Variants in DGKI observed in about 807,000 individuals in gnomAD.
DGKI encodes DAG kinase iota.
A neutral mutation model predicts 147.5 loss-of-function variants in DGKI; 55 were observed. The observed-to-expected ratio is 0.37, with a 90% CI of 0.30 to 0.47. The LOEUF (loss-of-function observed/expected upper bound fraction) is 0.47. Among genes scored for constraint, DGKI ranks in the 20% least tolerant of loss-of-function variants. The probability of loss-of-function intolerance (pLI) is 1.00; values close to 1 mark genes in which losing one functional copy is unlikely to be tolerated. For synonymous variants in DGKI, 469 were observed against 477.1 expected, an observed-to-expected ratio of 0.98 and a Z score of 0.22; for missense variants, 1,007 against 1,323.8, an observed-to-expected ratio of 0.76 and a Z score of 3.71.
At chr7:137,552,318 C>G in intron 20 of DGKI, 51 bp downstream of exon 20, 1 of 1,599,962 alleles carries the variant, frequency 6.3e-7, no homozygotes. Flanking sequence ...GCTCTGCACT[C>G]TCCTCTCCAA....
chr7:137,528,305 T>C (rs1158659584), intron 20 of DGKI, among the ~76,000 whole-genome samples: 1 of 152,190 alleles, frequency 6.6e-6, no homozygotes, highest in Non-Finnish European at 1.5e-5. Context: ...CAGAAGAACC[T>C]ACAAATGGTA....
At chr7:137,404,366 CA>C (rs1458984411) in intron 30 of DGKI, among the ~76,000 whole-genome samples, 9 of 152,106 alleles carry the variant, frequency 5.9e-5, no homozygotes, top group African/African-American at 1.9e-4. Flanking sequence ...AGATAGACAT[CA>C]AAAATGAAAT....
chr7:137,548,713 A>C (rs1487586775), intron 20 of DGKI, among the ~76,000 whole-genome samples: 1 of 152,200 alleles, frequency 6.6e-6, no homozygotes, highest in Non-Finnish European at 1.5e-5. Flanking sequence ...CACGCCTGTA[A>C]TCCCAGCACT....
chr7:137,538,336 T>C (rs1241752497), intron 20 of DGKI, among the ~76,000 whole-genome samples: 1 of 152,186 alleles, frequency 6.6e-6, no homozygotes, highest in Admixed American at 6.5e-5. Flanking sequence ...GGAACAAAAA[T>C]CAATTTACTT....
In DGKI at chr7:137,835,289, C is replaced by T. The variant is rs76591817; in HGVS notation, c.401+11173G>A. ...TCAAACTGTGGGTAGCCTGAACCTG[C>T]TGCCCCTGTGAACCGTGTGCGGCTC... On this transcript the variant is annotated intron_variant, in intron 1 of 32. Coordinates refer to ENST00000614521, the MANE Select transcript of DGKI (RefSeq NM_001321708.2). Among the ~76,000 whole-genome samples the T allele has an allele frequency of 2.9e-3, 437 of 152,250 alleles. 4 individuals carry two copies. Among genetic ancestry groups the T allele is most frequent in the South Asian group, 0.016 (77 of 4,820 alleles).
chr7:137,563,836 C>T (rs1818495818), intron 19 of DGKI, among the ~76,000 whole-genome samples: 1 of 152,042 alleles, frequency 6.6e-6, no homozygotes. Flanking sequence ...TGGATTGGAA[C>T]ATTCATATTG....
In DGKI at chr7:137,605,822, T is replaced by C. The variant is rs1585278664; in HGVS notation, c.1167+3144A>G. On this transcript the variant is annotated intron_variant, in intron 10 of 32. Transcript: ENST00000614521. ...CAAAGACTGGGAAGGGTGTGGTGGGTGTGGGGGATGACCAGACGTTGGACA... is the reference window on the plus strand; with the variant it reads ...CAAAGACTGGGAAGGGTGTGGTGGGCGTGGGGGATGACCAGACGTTGGACA... Among the ~76,000 whole-genome samples the C allele has an allele frequency of 3.3e-5, 5 of 152,036 alleles. 1 individual carries two copies. In the South Asian group the frequency reaches 1.0e-3, roughly 32 times the overall value.
chr7:137,472,026 T>C (rs1285027098), intron 23 of DGKI, among the ~76,000 whole-genome samples: 6 of 129,724 alleles, frequency 4.6e-5, no homozygotes, highest in Non-Finnish European at 3.1e-5. Context: ...TACATATATA[T>C]TATATACACA....
chr7:137,482,891 T>C (rs538270129), intron 23 of DGKI, among the ~76,000 whole-genome samples: 6 of 152,058 alleles, frequency 3.9e-5, no homozygotes, highest in Non-Finnish European at 7.4e-5. Flanking sequence ...TAAGGAAGGA[T>C]ATGGGAAAAG....
chr7:137,702,448 G>T (rs1824015933), intron 1 of DGKI, among the ~76,000 whole-genome samples: 1 of 152,118 alleles, frequency 6.6e-6, no homozygotes, highest in African/African-American at 2.4e-5. Flanking sequence ...CTCCACAAAA[G>T]CAGTAAAAAC....
intron 27 of DGKI, among the ~76,000 whole-genome samples, chr7:137,445,015 C>T (rs957907339): frequency 6.6e-6 from 1 of 152,176 alleles, no homozygotes; most frequent in Non-Finnish European, 1.5e-5. Context: ...GAATGATTGG[C>T]TCACTCAAAT....
chr7:137,573,577 G>T (rs2128977060), intron 17 of DGKI, among the ~76,000 whole-genome samples: 1 of 152,236 alleles, frequency 6.6e-6, no homozygotes, highest in South Asian at 2.1e-4. Context: ...GCTAATTTTT[G>T]TATTTTTAGT....
rs1815865788 is a variant in DGKI at position 137,493,923 on chromosome 7, C to A, written c.2249-6234G>T. 3 of 593,340 alleles carry A rather than the reference C, an allele frequency of 5.1e-6. No homozygotes were observed. The East Asian group carries it at 8.4e-5, about 17-fold the overall frequency. The allele number at this position is 593,340 out of a possible 1,614,324, so 36.8% of individuals were successfully genotyped here. Reference sequence around the variant, plus strand: ...AAAGTTAACACCCAATCCAAAAATTCTAAAGAATACAATAAAATGATACAG... The same window carrying A: ...AAAGTTAACACCCAATCCAAAAATTATAAAGAATACAATAAAATGATACAG... On this transcript the variant is annotated intron_variant, in intron 21 of 32. Coordinates refer to ENST00000614521, the MANE Select transcript of DGKI (RefSeq NM_001321708.2).
At chr7:137,500,696 T>C (rs1816140591) in intron 21 of DGKI, among the ~76,000 whole-genome samples, 1 of 152,128 alleles carries the variant, frequency 6.6e-6, no homozygotes, top group Non-Finnish European at 1.5e-5. Context: ...TTGTTAAAGG[T>C]TACAATGAAA....
intron 15 of DGKI, among the ~76,000 whole-genome samples, chr7:137,580,966 G>C (rs1441572203): frequency 6.6e-6 from 1 of 151,954 alleles, no homozygotes; most frequent in Admixed American, 6.6e-5. Flanking sequence ...TATTCAGAAG[G>C]CACTAGGTAC....
chr7:137,537,920 G>T (rs1267978434), intron 20 of DGKI, among the ~76,000 whole-genome samples: 3 of 152,114 alleles, frequency 2.0e-5, no homozygotes, highest in African/African-American at 7.2e-5. Flanking sequence ...AGAGAGGAAA[G>T]GAAAGGAAAG....
chr7:137,446,034 T>C lies in DGKI; in HGVS notation c.2736-1932A>G, dbSNP rs1017730557. Among the ~76,000 whole-genome samples, 4 of 152,310 alleles carry C rather than the reference T, an allele frequency of 2.6e-5. No individual in the cohort carries two copies. The East Asian group carries it at 5.8e-4, about 22-fold the overall frequency. On this transcript the variant is annotated intron_variant, in intron 27 of 32. Coordinates refer to ENST00000614521, the MANE Select transcript of DGKI (RefSeq NM_001321708.2). ...CAAGGAAATATCTTTCCTCCTGGTG[T>C]TTGCTGATGAGAAGTAAGTGAAAAC...
At chr7:137,405,149 C>T (rs964991866) in intron 30 of DGKI, among the ~76,000 whole-genome samples, 1 of 152,196 alleles carries the variant, frequency 6.6e-6, no homozygotes, top group Non-Finnish European at 1.5e-5. Context: ...GTCCCTGGGG[C>T]AACTCAGATG....
intron 19 of DGKI, 21 bp downstream of exon 19, chr7:137,571,154 T>C (rs776791371): frequency 1.4e-4 from 218 of 1,530,814 alleles, no homozygotes; most frequent in East Asian, 2.3e-4. Flanking sequence ...TTCATTTTAA[T>C]AAAACAGTTA....
Sources: allele counts gnomAD v4.1 joint callset (sites outside exome capture counted in the v4.1 genomes callset), GRCh38; gene constraint gnomAD v4.1.1; transcripts MANE v1.5; gene names NCBI Gene and HGNC (gene_info 2026-07-23, HGNC 2026-07-21).